Variants in FGD3 observed in about 807,000 individuals in gnomAD.
FGD3 encodes FYVE, RhoGEF and PH domain-containing protein 3.
Under a neutral mutation model 71.8 loss-of-function variants are expected in FGD3, and 45 were observed. The ratio of observed to expected loss-of-function variants is 0.63; its 90% CI spans 0.49 to 0.80. FGD3 has a LOEUF of 0.80. Ranked by LOEUF, FGD3 falls within the 30% of genes least tolerant of loss-of-function variation. The probability of loss-of-function intolerance (pLI) is 0.00; values close to 1 mark genes in which losing one functional copy is unlikely to be tolerated. For missense variants in FGD3, 844 were observed against 951.5 expected (o/e 0.89, Z 1.49); for synonymous variants, 378 against 392.8 (o/e 0.96, Z 0.44).
chr9:93,009,003 G>A (rs1295510852), intron 6 of FGD3, among the ~76,000 whole-genome samples: 2 of 150,878 alleles, frequency 1.3e-5, no homozygotes, highest in South Asian at 2.1e-4. Flanking sequence ...GATGGCTCAC[G>A]CTTGTAATCC....
At chr9:93,013,622 A>G (rs751177845) in intron 8 of FGD3, among the ~76,000 whole-genome samples, 16 of 152,198 alleles carry the variant, frequency 1.1e-4, no homozygotes, top group Non-Finnish European at 2.1e-4. Flanking sequence ...GCTCACAGCA[A>G]TGGTTAGCTC....
At chr9:92,965,103 A>C (rs1859268326) in intron 1 of FGD3, among the ~76,000 whole-genome samples, 1 of 152,178 alleles carries the variant, frequency 6.6e-6, no homozygotes, top group Admixed American at 6.5e-5. Flanking sequence ...TCCCAGCGGC[A>C]GTGGCGGCAC....
In FGD3 at chr9:93,019,835, G is replaced by T; in HGVS notation, c.1360G>T (p.Glu454Ter). 1 of 1,614,050 alleles carries T rather than the reference G, an allele frequency of 6.2e-7. No homozygotes were observed. Among genetic ancestry groups the T allele is most frequent in the Non-Finnish European group, 8.5e-7 (1 of 1,179,926 alleles). The change falls in exon 12 of 18, where the codon GAG becomes TAG. Residue 454 changes from glutamate to a stop codon, truncating the protein, a stop_gained. Coordinates refer to ENST00000375482, the MANE Select transcript of FGD3 (RefSeq NM_001083536.2). LOFTEE classifies it high-confidence loss of function. ...KRSLELQTRT[E>*]EEKKEWIQII... ...AAGACCGTTTTGGTTTTTTAGGACAGAGGAAGAGAAGAAAGAATGGATTCA... is the reference window on the plus strand; with the variant it reads ...AAGACCGTTTTGGTTTTTTAGGACATAGGAAGAGAAGAAAGAATGGATTCA...
Position 93,018,202 on chromosome 9 carries a change from G to T in FGD3, c.1342G>T (p.Glu448Ter). The change falls in exon 11 of 18, where the codon GAG becomes TAG. Residue 448 changes from glutamate to a stop codon, truncating the protein, a stop_gained. Transcript: ENST00000375482. LOFTEE classifies it high-confidence loss of function. ...FIITGRKRSLELQTRTEEEKK... is the reference protein window; with the variant it reads ...FIITGRKRSL ...CATAACAGGAAGAAAAAGGTCCCTGGAGCTGCAGACGCGGTATGGAACGGG... is the reference window on the plus strand; with the variant it reads ...CATAACAGGAAGAAAAAGGTCCCTGTAGCTGCAGACGCGGTATGGAACGGG... 3 of 1,614,132 alleles carry T rather than the reference G, an allele frequency of 1.9e-6. No individual in the cohort carries two copies. The highest frequency in any genetic ancestry group is 2.5e-6 in the Non-Finnish European group (3 of 1,179,996).
intron 16 of FGD3, chr9:93,033,484 TCCCTCCTC>T (rs1462555698): frequency 1.4e-5 from 2 of 144,116 alleles, no homozygotes; most frequent in African/African-American, 5.6e-5. Context: ...CTCCTTTCTC[TCCCTCCTC>T]CTCCCCCTCC....
chr9:92,960,272 TCATGTCTG>T (rs59634402), intron 1 of FGD3, among the ~76,000 whole-genome samples: 2,451 of 151,688 alleles, frequency 0.016, 57 homozygotes, highest in African/African-American at 0.054. Flanking sequence ...CGTCCTGTTG[TCATGTCTG>T]CATGTCTGCA....
chr9:93,005,534 A>G (rs1404741260), intron 5 of FGD3, among the ~76,000 whole-genome samples: 2 of 152,152 alleles, frequency 1.3e-5, no homozygotes, highest in Non-Finnish European at 2.9e-5. Flanking sequence ...GTCAAAGACG[A>G]TTAGTATATT....
intron 3 of FGD3, among the ~76,000 whole-genome samples, chr9:92,991,538 A>T (rs923440071): frequency 6.6e-6 from 1 of 152,102 alleles, no homozygotes; most frequent in Non-Finnish European, 1.5e-5. Context: ...ATTTTGATTT[A>T]AAAAAAATTC....
At chr9:92,990,848 T>A (rs530812471) in intron 3 of FGD3, among the ~76,000 whole-genome samples, 1 of 152,336 alleles carries the variant, frequency 6.6e-6, no homozygotes, top group African/African-American at 2.4e-5. Flanking sequence ...TTTTTTCATC[T>A]ATGTTCATCA....
intron 1 of FGD3, among the ~76,000 whole-genome samples, chr9:92,970,264 G>T (rs10821048): frequency 2.0e-5 from 3 of 152,048 alleles, no homozygotes; most frequent in Admixed American, 6.5e-5. Flanking sequence ...ACTGACCCTG[G>T]GCATGGGTGT....
intron 1 of FGD3, among the ~76,000 whole-genome samples, chr9:92,948,742 A>G (rs554632294): frequency 1.6e-3 from 249 of 152,314 alleles, no homozygotes; most frequent in African/African-American, 5.6e-3. Flanking sequence ...AACAGCAGGG[A>G]AACCTGGCTG....
At position 92,958,164 on chromosome 9, in the gene FGD3, A is replaced by T. The variant is rs139774664; in HGVS notation, c.-218+10435A>T. Reference sequence around the variant, plus strand: ...CAGGTGCGCACCACCATGCCCAGGTAATTTTTGTATTTTTAGTAGAGACAG... The same window carrying T: ...CAGGTGCGCACCACCATGCCCAGGTTATTTTTGTATTTTTAGTAGAGACAG... On this transcript the variant is annotated intron_variant, in intron 1 of 17. Coordinates refer to ENST00000375482, the MANE Select transcript of FGD3 (RefSeq NM_001083536.2). Among the ~76,000 whole-genome samples the T allele has an allele frequency of 3.4e-3, 514 of 151,970 alleles. 2 individuals are homozygous for T. Among genetic ancestry groups the T allele is most frequent in the Non-Finnish European group, 5.7e-3 (385 of 67,964 alleles).
At chr9:92,950,946 C>G (rs1185573751) in intron 1 of FGD3, among the ~76,000 whole-genome samples, 1 of 152,240 alleles carries the variant, frequency 6.6e-6, no homozygotes, top group African/African-American at 2.4e-5. Context: ...GGCTTCTCCC[C>G]AAGATCTGGC....
intron 1 of FGD3, among the ~76,000 whole-genome samples, chr9:92,952,719 CTCCT>C: frequency 6.6e-6 from 1 of 151,414 alleles, no homozygotes; most frequent in East Asian, 1.9e-4. Context: ...CCTTCTTTCT[CTCCT>C]TCCTTCCTTT....
chr9:93,026,012 G>A (rs1340434028), intron 14 of FGD3, among the ~76,000 whole-genome samples: 1 of 152,214 alleles, frequency 6.6e-6, no homozygotes, highest in East Asian at 1.9e-4. Context: ...CACAGCCTGT[G>A]TCCCCTGCTG....
intron 13 of FGD3, among the ~76,000 whole-genome samples, chr9:93,022,053 GC>G (rs546599429): frequency 3.9e-4 from 60 of 152,284 alleles, no homozygotes; most frequent in African/African-American, 1.4e-3. Context: ...GTAAATTAGA[GC>G]CCCTGAATAG....
intron 15 of FGD3, 196 bp from the exon 16 acceptor site, chr9:93,032,573 C>T (rs1862395565): frequency 5.0e-6 from 3 of 598,990 alleles, no homozygotes; most frequent in Non-Finnish European, 6.0e-6. Flanking sequence ...ACCAGACGCC[C>T]AGCAGGGCCA....
At chr9:92,972,168 G>T (rs1859561441) in intron 1 of FGD3, among the ~76,000 whole-genome samples, 1 of 151,878 alleles carries the variant, frequency 6.6e-6, no homozygotes, top group Non-Finnish European at 1.5e-5. Flanking sequence ...GAAAGATCTG[G>T]CTGGATGTGG....
chr9:92,999,893 C>G (rs1051317742), intron 3 of FGD3, among the ~76,000 whole-genome samples: 1 of 151,886 alleles, frequency 6.6e-6, no homozygotes, highest in Non-Finnish European at 1.5e-5. Flanking sequence ...CGCCTGGCTG[C>G]CAATATGTCT....
Sources: allele counts gnomAD v4.1 joint callset (sites outside exome capture counted in the v4.1 genomes callset), GRCh38; gene constraint gnomAD v4.1.1; transcripts MANE v1.5; gene names NCBI Gene and HGNC (gene_info 2026-07-23, HGNC 2026-07-21).